ATP6V1C2: variants seen among roughly 807,000 people sequenced by gnomAD.
The protein encoded by ATP6V1C2 is V-type proton ATPase subunit C 2.
ATP6V1C2 carries 45 observed loss-of-function variants against 56.8 expected under a neutral mutation model. That is an observed-to-expected ratio of 0.79 (90% CI 0.62 to 1.02). The LOEUF is 1.02. Ranked by LOEUF, ATP6V1C2 falls within the 50% of genes least tolerant of loss-of-function variation. The probability of loss-of-function intolerance (pLI) is 0.00; values close to 1 mark genes in which losing one functional copy is unlikely to be tolerated. For missense variants in ATP6V1C2, 463 were observed against 519.7 expected (o/e 0.89, Z 1.06); for synonymous variants, 220 against 201.3 (o/e 1.09, Z -0.79).
rs769667795 is a variant in ATP6V1C2, at chr2:10,722,897, G to A, written c.48G>A (p.Leu16=). Reference sequence around the variant, plus strand: ...CTGCCCCTGGCGATAAGGAAAATTTGCAAGCTCTGGAGAGGATGAATACTG... The same window carrying A: ...CTGCCCCTGGCGATAAGGAAAATTTACAAGCTCTGGAGAGGATGAATACTG... ...LISAPGDKEN[L]QALERMNTVT... is the part of the protein sequence containing the mutation. The change falls in exon 2 of 14, where the codon TTG becomes TTA. Residue 16 remains leucine (L), a synonymous_variant. Coordinates refer to ENST00000272238, the MANE Select transcript of ATP6V1C2 (RefSeq NM_001039362.2). The A allele has an allele frequency of 5.6e-6, 9 of 1,614,096 alleles. No homozygotes were observed. The highest frequency in any genetic ancestry group is 6.8e-6 in the Non-Finnish European group (8 of 1,180,012).
At chr2:10,777,428 G>C (rs1283416520) in intron 10 of ATP6V1C2, among the ~76,000 whole-genome samples, 157 bp from the exon 11 acceptor site, 1 of 152,214 alleles carries the variant, frequency 6.6e-6, no homozygotes, top group Non-Finnish European at 1.5e-5. Context: ...AGCCCGGTGG[G>C]CACCTACCAC....
chr2:10,783,053 T>A, intron 13 of ATP6V1C2, 121 bp from the exon 14 acceptor site: 1 of 674,102 alleles, frequency 1.5e-6, no homozygotes, highest in Admixed American at 2.4e-5. Flanking sequence ...GTTGGAGGGG[T>A]GGACCACAGC....
intron 1 of ATP6V1C2, 144 bp from the exon 2 acceptor site, chr2:10,722,680 T>C: frequency 1.2e-6 from 1 of 866,102 alleles, no homozygotes; most frequent in African/African-American, 1.7e-5. Context: ...CAGGTGGAGA[T>C]AAGAGCTTTG....
At chr2:10,755,923 G>A (rs139308322) in intron 4 of ATP6V1C2, among the ~76,000 whole-genome samples, 87 of 152,332 alleles carry the variant, frequency 5.7e-4, no homozygotes, top group Non-Finnish European at 9.3e-4. Flanking sequence ...CCCATTAACT[G>A]TGTGCATACT....
chr2:10,760,866 C>T (rs1054349444), intron 4 of ATP6V1C2, among the ~76,000 whole-genome samples: 2 of 152,202 alleles, frequency 1.3e-5, no homozygotes, highest in Admixed American at 1.3e-4. Flanking sequence ...GAGACAAGAG[C>T]TTGATCTGAA....
chr2:10,752,634 T>G (rs945549541), intron 3 of ATP6V1C2, among the ~76,000 whole-genome samples: 2 of 152,208 alleles, frequency 1.3e-5, no homozygotes, highest in Non-Finnish European at 2.9e-5. Context: ...TTCATAATAA[T>G]CCTGTAAAAT....
intron 3 of ATP6V1C2, among the ~76,000 whole-genome samples, chr2:10,753,558 G>T (rs1438959919): frequency 6.6e-6 from 1 of 150,440 alleles, no homozygotes; most frequent in Non-Finnish European, 1.5e-5. Flanking sequence ...TTGAGACGGG[G>T]TCTTACACTG....
At chr2:10,736,126 A>G (rs971800936) in intron 3 of ATP6V1C2, among the ~76,000 whole-genome samples, 3 of 152,012 alleles carry the variant, frequency 2.0e-5, no homozygotes, top group Admixed American at 2.0e-4. Flanking sequence ...TCTGTGATTC[A>G]GGAGGTCTGA....
At chr2:10,736,801 C>CTTTTTTTTTTTTTTTTTTTTTTTT (rs35166388) in intron 3 of ATP6V1C2, among the ~76,000 whole-genome samples, 3 of 102,654 alleles carry the variant, frequency 2.9e-5, no homozygotes, top group Non-Finnish European at 4.2e-5. Context: ...AGATATTGTG[C>CTTTTTTTTTTTTTTTTTTTTTTTT]TTTTTTTTTT....
chr2:10,771,929 C>T lies in ATP6V1C2; in HGVS notation c.561C>T (p.Ile187=), dbSNP rs756513047. 8.1e-6 allele frequency: 13 copies of T among 1,613,810 alleles called. No individual in the cohort carries two copies. The highest frequency in any genetic ancestry group is 3.3e-5 in the Admixed American group (2 of 60,028). Residue 187 remains isoleucine (I), a synonymous_variant, in exon 7 of 14, where the codon ATC becomes ATT. Coordinates refer to ENST00000272238, the MANE Select transcript of ATP6V1C2 (RefSeq NM_001039362.2). ...AATATCTCGTCACACTTCTGGTCAT[C>T]GTCCCCAAGTGAGTGCTGGGCGATC... ...DSEYLVTLLV[I]VPKPNYSQWQ...
At chr2:10,745,041 C>CTTTTTTTTTTT (rs5829274) in intron 3 of ATP6V1C2, among the ~76,000 whole-genome samples, 3 of 113,312 alleles carry the variant, frequency 2.6e-5, no homozygotes, top group Non-Finnish European at 5.1e-5. Flanking sequence ...TATTTATTTT[C>CTTTTTTTTTTT]TTTTTTTTTT....
At chr2:10,726,808 A>G (rs192904267) in intron 3 of ATP6V1C2, among the ~76,000 whole-genome samples, 10 of 152,220 alleles carry the variant, frequency 6.6e-5, no homozygotes, top group African/African-American at 2.4e-4. Flanking sequence ...CAACCTGAAG[A>G]TCATGCATAG....
chr2:10,752,943 T>C (rs1013261950), intron 3 of ATP6V1C2, among the ~76,000 whole-genome samples: 7 of 151,780 alleles, frequency 4.6e-5, no homozygotes, highest in African/African-American at 1.7e-4. Context: ...TTGCAGTGAG[T>C]CGAGATTGCA....
intron 1 of ATP6V1C2, 61 bp from the exon 2 acceptor site, chr2:10,722,763 G>C: frequency 1.3e-6 from 2 of 1,538,782 alleles, no homozygotes; most frequent in Non-Finnish European, 1.8e-6. Context: ...GTGAGGCGGG[G>C]ATATCTGACA....
In ATP6V1C2 at chr2:10,763,949, A is replaced by AT. The variant is rs1169507284; in HGVS notation, c.284-382_284-381insT. Among the ~76,000 whole-genome samples the AT allele has an allele frequency of 2.6e-5, 4 of 152,240 alleles. No homozygotes were observed. The highest frequency in any genetic ancestry group is 9.6e-5 in the African/African-American group (4 of 41,462). ...GGTTTTGGGGAAAGAAAAGAAAAAA[A>AT]GGAAATGCTTGAAAACACTGGTGTG... On this transcript the variant is annotated intron_variant, in intron 4 of 13. Coordinates refer to ENST00000272238, the MANE Select transcript of ATP6V1C2 (RefSeq NM_001039362.2). The surrounding 1 kb of genome is among the most constrained non-coding windows in gnomAD (Gnocchi z 4.2).
chr2:10,780,793 G>A lies in ATP6V1C2; in HGVS notation c.1062-1450G>A, dbSNP rs1665301731. The stretch of plus-strand genomic sequence containing the variant: ...TGGACTCTTGCTGTCGCCTAGGCTG[G>A]AGTGCAGTGGCACAATCTCAGCTCA... On this transcript the variant is annotated intron_variant, in intron 12 of 13. Coordinates refer to ENST00000272238, the MANE Select transcript of ATP6V1C2 (RefSeq NM_001039362.2). The surrounding 1 kb of genome is among the most constrained non-coding windows in gnomAD (Gnocchi z 4.1). Among the ~76,000 whole-genome samples the A allele has an allele frequency of 6.6e-6, 1 of 151,678 alleles. No homozygotes were observed.
intron 5 of ATP6V1C2, among the ~76,000 whole-genome samples, chr2:10,766,590 T>C (rs1664236189): frequency 6.6e-6 from 1 of 152,232 alleles, no homozygotes; most frequent in Non-Finnish European, 1.5e-5. Flanking sequence ...TTCGTTTTTT[T>C]GTTTTTCAAA....
At chr2:10,778,082 G>A (rs1352268628) in intron 11 of ATP6V1C2, among the ~76,000 whole-genome samples, 1 of 152,190 alleles carries the variant, frequency 6.6e-6, no homozygotes, top group Admixed American at 6.5e-5. Context: ...GCAGTGTCAG[G>A]CGGGAGCTCG....
intron 3 of ATP6V1C2, among the ~76,000 whole-genome samples, chr2:10,747,021 C>T (rs536540692): frequency 3.3e-5 from 5 of 152,322 alleles, no homozygotes; most frequent in South Asian, 4.1e-4. Context: ...GCAATCCCAG[C>T]GCTTTGGGAG....
Sources: gnomAD v4.1 joint callset for allele counts (sites outside exome capture counted in the v4.1 genomes callset) on GRCh38, gnomAD v4.1.1 for gene constraint, Gnocchi (gnomAD v3.1) non-coding constraint, MANE v1.5 for transcripts, NCBI Gene and HGNC (gene_info 2026-07-23, HGNC 2026-07-21) for gene names.